Variants in BBS9 observed in about 807,000 individuals in gnomAD.
The protein encoded by BBS9 is protein PTHB1.
Under a neutral mutation model 117.7 loss-of-function variants are expected in BBS9, and 89 were observed. The observed-to-expected ratio is 0.76, with a 90% CI of 0.64 to 0.90. The LOEUF (loss-of-function observed/expected upper bound fraction) is 0.90, where lower values mean the gene tolerates loss of function less well. Ranked by LOEUF, BBS9 falls within the 40% of genes least tolerant of loss-of-function variation. The probability of loss-of-function intolerance (pLI) is 0.00; values close to 1 mark genes in which losing one functional copy is unlikely to be tolerated. For synonymous variants in BBS9, 379 were observed against 370.9 expected (o/e 1.02, Z -0.25); for missense variants, 982 against 1,042.2 (o/e 0.94, Z 0.80).
chr7:33,332,676 CAA>C (rs554867715), intron 9 of BBS9, among the ~76,000 whole-genome samples: 2 of 56,236 alleles, frequency 3.6e-5, no homozygotes, highest in African/African-American at 1.2e-4. Context: ...GGCTCCATGT[CAA>C]AACAACAACA....
intron 19 of BBS9, among the ~76,000 whole-genome samples, chr7:33,413,317 A>G (rs1831455568): frequency 6.6e-6 from 1 of 152,214 alleles, no homozygotes; most frequent in Non-Finnish European, 1.5e-5. Context: ...TTATTAAGAC[A>G]GGCTGAGTTT....
chr7:33,263,115 A>G (rs550021441), intron 6 of BBS9, among the ~76,000 whole-genome samples: 439 of 152,146 alleles, frequency 2.9e-3, no homozygotes, highest in Non-Finnish European at 4.9e-3. Flanking sequence ...AATAAGATCT[A>G]TTTTTTATAA....
intron 9 of BBS9, among the ~76,000 whole-genome samples, chr7:33,335,030 A>C (rs1479226780): frequency 1.3e-5 from 2 of 152,200 alleles, no homozygotes; most frequent in African/African-American, 4.8e-5. Context: ...GAGCAATGGT[A>C]GTATCTACTC....
intron 9 of BBS9, among the ~76,000 whole-genome samples, chr7:33,275,864 G>A: frequency 6.6e-6 from 1 of 152,112 alleles, no homozygotes; most frequent in South Asian, 2.1e-4. Flanking sequence ...TGAGTTAACA[G>A]TCAATAATAA....
chr7:33,511,123 G>T (rs1846895942), intron 20 of BBS9, among the ~76,000 whole-genome samples: 1 of 151,996 alleles, frequency 6.6e-6, no homozygotes. Context: ...ATTTTTTTCT[G>T]TTGAGCCTGC....
chr7:33,222,954 A>G (rs1034716570), intron 5 of BBS9, among the ~76,000 whole-genome samples: 1 of 146,528 alleles, frequency 6.8e-6, no homozygotes, highest in Non-Finnish European at 1.5e-5. Context: ...CCCTGTCTCA[A>G]AAAAAAAAAA....
chr7:33,552,877 G>T lies in BBS9; in HGVS notation c.2521+18701G>T, dbSNP rs986365790. On this transcript the variant is annotated intron_variant, in intron 21 of 22. Coordinates refer to ENST00000242067, the MANE Select transcript of BBS9 (RefSeq NM_198428.3). ...TAGGATTAAACTTAGACTTGTTACC[G>T]TGGCCTGCAGAACTCTGCTTCTGTC... Among the ~76,000 whole-genome samples, 4 of 152,176 alleles carry T rather than the reference G, an allele frequency of 2.6e-5. No individual in the cohort carries two copies. In the South Asian group the frequency reaches 8.3e-4, roughly 32 times the overall value.
At chr7:33,177,423 T>C (rs2128162465) in intron 4 of BBS9, 55 bp from the exon 5 acceptor site, 1 of 1,187,086 alleles carries the variant, frequency 8.4e-7, no homozygotes, top group East Asian at 2.3e-5. Flanking sequence ...TGAGAACAAA[T>C]TAATGTTTTT....
At chr7:33,265,534 A>G (rs1798662465) in intron 7 of BBS9, among the ~76,000 whole-genome samples, 1 of 152,114 alleles carries the variant, frequency 6.6e-6, no homozygotes, top group Non-Finnish European at 1.5e-5. Context: ...TTGCAAAGTG[A>G]TAATATCTAT....
intron 19 of BBS9, among the ~76,000 whole-genome samples, chr7:33,443,223 T>C (rs1836481944): frequency 6.6e-6 from 1 of 152,186 alleles, no homozygotes; most frequent in Admixed American, 6.5e-5. Flanking sequence ...TCCTAACTGT[T>C]CATGAGAATG....
chr7:33,353,040 A>G (rs1372807792), intron 15 of BBS9, among the ~76,000 whole-genome samples, 167 bp downstream of exon 15: 1 of 152,156 alleles, frequency 6.6e-6, no homozygotes, highest in South Asian at 2.1e-4. Context: ...AGCATAGTAG[A>G]TGTTTCCACA....
chr7:33,589,950 G>A (rs1861571137), intron 21 of BBS9, among the ~76,000 whole-genome samples: 1 of 152,078 alleles, frequency 6.6e-6, no homozygotes, highest in South Asian at 2.1e-4. Flanking sequence ...AGGAAGTTTG[G>A]GAGAAGAGAA....
intron 19 of BBS9, among the ~76,000 whole-genome samples, chr7:33,504,111 T>C (rs1402838222): frequency 1.3e-5 from 2 of 152,194 alleles, no homozygotes; most frequent in Non-Finnish European, 2.9e-5. Context: ...TATTGTGTAG[T>C]TCTTTTGAAT....
chr7:33,290,645 A>T (rs28627185), intron 9 of BBS9, among the ~76,000 whole-genome samples: 24 of 152,312 alleles, frequency 1.6e-4, no homozygotes, highest in Middle Eastern at 3.4e-3. Flanking sequence ...TTTTTAAAAA[A>T]TTTTTTAGTG....
chr7:33,516,289 G>C (rs1847776676), intron 20 of BBS9, among the ~76,000 whole-genome samples: 1 of 151,808 alleles, frequency 6.6e-6, no homozygotes, highest in South Asian at 2.1e-4. Context: ...AGGAGTTCAA[G>C]ACCAGCCTGG....
At chr7:33,375,296 A>G in intron 17 of BBS9, among the ~76,000 whole-genome samples, 1 of 152,180 alleles carries the variant, frequency 6.6e-6, no homozygotes, top group East Asian at 1.9e-4. Context: ...TCATTTTGAC[A>G]GCTATTTTGA....
intron 16 of BBS9, 96 bp downstream of exon 16, chr7:33,358,091 A>G (rs927337593): frequency 6.8e-7 from 1 of 1,460,924 alleles, no homozygotes. Context: ...TAATTATCAG[A>G]TAATTGTTAA....
intron 21 of BBS9, among the ~76,000 whole-genome samples, chr7:33,551,041 T>A (rs1366493666): frequency 2.6e-5 from 4 of 152,344 alleles, no homozygotes; most frequent in African/African-American, 7.2e-5. Context: ...GATGTCACTT[T>A]AACTTTCAGA....
At chr7:33,229,773 C>G (rs1562839650) in intron 5 of BBS9, among the ~76,000 whole-genome samples, 1 of 152,002 alleles carries the variant, frequency 6.6e-6, no homozygotes, top group Non-Finnish European at 1.5e-5. Flanking sequence ...GGGTATATGC[C>G]CCGAAAAGGG....
Sources: allele counts gnomAD v4.1 joint callset (sites outside exome capture counted in the v4.1 genomes callset), GRCh38; gene constraint gnomAD v4.1.1; transcripts MANE v1.5; gene names NCBI Gene and HGNC (gene_info 2026-07-23, HGNC 2026-07-21).